The following RFX3 variants were observed in gnomAD, a reference collection of about 807,000 sequenced individuals.
RFX3 encodes regulatory factor X3, also known as transcription factor RFX3.
RFX3 carries 14 observed loss-of-function variants against 98.6 expected under a neutral mutation model. The ratio of observed to expected loss-of-function variants is 0.14; its 90% CI spans 0.09 to 0.22. The LOEUF (loss-of-function observed/expected upper bound fraction) is 0.22. Among genes scored for constraint, RFX3 ranks in the 10% least tolerant of loss-of-function variants. The probability of loss-of-function intolerance (pLI) is 1.00; values close to 1 mark genes in which losing one functional copy is unlikely to be tolerated. For missense variants in RFX3, 639 were observed against 926.9 expected, an observed-to-expected ratio of 0.69 and a Z score of 4.03; for synonymous variants, 383 against 328.4, an observed-to-expected ratio of 1.17 and a Z score of -1.80.
chr9:3,257,141 T>C lies in RFX3; in HGVS notation c.1664A>G (p.Asp555Gly), dbSNP rs768630320. 1.2e-6 allele frequency: 2 copies of C among 1,614,014 alleles called. No individual in the cohort carries two copies. Among genetic ancestry groups the C allele is most frequent in the Non-Finnish European group, 1.7e-6 (2 of 1,179,990 alleles). The change falls in exon 14 of 17, where the codon GAC becomes GGC. Residue 555 changes from aspartate (D) to glycine (G), a missense_variant. Physicochemically the swap from Asp to Gly is moderately conservative, Grantham distance 94 (BLOSUM62 -1). This residue lies in a region of RFX3 where 138 missense variants were observed against 308.9 expected (regional missense o/e 0.45). Coordinates refer to ENST00000617270, the MANE Select transcript of RFX3 (RefSeq NM_001282116.2). ...DDNMVQRLET[D>G]FKMTLQQQST... ...CTGCTGCTGAAGAGTCATCTTGAAGTCTGTTTCTAGTCTCTGAACCATGTT... is the reference window on the plus strand; with the variant it reads ...CTGCTGCTGAAGAGTCATCTTGAAGCCTGTTTCTAGTCTCTGAACCATGTT...
chr9:3,225,359 T>A, intron 16 of RFX3, 79 bp from the exon 17 acceptor site: 1 of 1,565,342 alleles, frequency 6.4e-7, no homozygotes, highest in Non-Finnish European at 8.6e-7. Flanking sequence ...TAGAAACACT[T>A]TAATATAGGA....
At chr9:3,238,195 G>T (rs951400728) in intron 15 of RFX3, among the ~76,000 whole-genome samples, 2 of 152,302 alleles carry the variant, frequency 1.3e-5, no homozygotes, top group South Asian at 2.1e-4. Context: ...AAGGTCATAA[G>T]ATGGTGATTT....
At chr9:3,317,595 G>T (rs547180978) in intron 4 of RFX3, among the ~76,000 whole-genome samples, 7 of 152,164 alleles carry the variant, frequency 4.6e-5, no homozygotes, top group African/African-American at 1.7e-4. Flanking sequence ...CTACAGAATG[G>T]GAGAAAATTT....
chr9:3,355,063 A>G (rs1835589390), intron 2 of RFX3, among the ~76,000 whole-genome samples: 1 of 151,894 alleles, frequency 6.6e-6, no homozygotes, highest in Admixed American at 6.6e-5. Flanking sequence ...ATAAATACAT[A>G]TTTTTTAAAT....
chr9:3,270,816 G>C, intron 10 of RFX3, 187 bp downstream of exon 10: 1 of 753,338 alleles, frequency 1.3e-6, no homozygotes, highest in Non-Finnish European at 2.1e-6. Context: ...AGTACAAATG[G>C]GAGCTATATA....
chr9:3,463,252 A>G (rs1847874028), intron 1 of RFX3, among the ~76,000 whole-genome samples: 1 of 152,158 alleles, frequency 6.6e-6, no homozygotes, highest in Non-Finnish European at 1.5e-5. Flanking sequence ...TTCAATGAAA[A>G]CGCTAAGGTA....
chr9:3,245,594 TAAA>T (rs1015103663), intron 15 of RFX3, among the ~76,000 whole-genome samples: 7 of 151,954 alleles, frequency 4.6e-5, no homozygotes, highest in African/African-American at 1.7e-4. Context: ...TAGAAGGACA[TAAA>T]AAAAGAATGC....
chr9:3,489,743 G>A (rs986426426), intron 1 of RFX3, among the ~76,000 whole-genome samples: 2 of 152,104 alleles, frequency 1.3e-5, no homozygotes, highest in African/African-American at 4.8e-5. Context: ...GGTCACATAT[G>A]GGTATCAAAG....
chr9:3,263,565 T>A (rs969115229), intron 12 of RFX3, among the ~76,000 whole-genome samples: 6 of 152,202 alleles, frequency 3.9e-5, no homozygotes, highest in Non-Finnish European at 8.8e-5. Flanking sequence ...TGTGAGAGCA[T>A]TACCATTCAG....
chr9:3,432,144 C>A lies in RFX3; in HGVS notation c.-8-36548G>T, dbSNP rs112220331. Reference sequence around the variant, plus strand: ...GCTTTCTGGATTGGTTCCACTGATTCTTTGTTCCTGAAGTCAAGAAGTACC... The same window carrying A: ...GCTTTCTGGATTGGTTCCACTGATTATTTGTTCCTGAAGTCAAGAAGTACC... On this transcript the variant is annotated intron_variant, in intron 1 of 16. Transcript: ENST00000617270. Among the ~76,000 whole-genome samples the A allele has an allele frequency of 2.3e-3, 351 of 152,264 alleles. 3 individuals carry two copies. The highest frequency in any genetic ancestry group is 8.3e-3 in the African/African-American group (343 of 41,562).
chr9:3,451,938 A>G (rs140386943), intron 1 of RFX3, among the ~76,000 whole-genome samples: 4 of 152,026 alleles, frequency 2.6e-5, no homozygotes, highest in Non-Finnish European at 5.9e-5. Context: ...TACAATTTCA[A>G]TTGTACAATT....
At chr9:3,290,921 CCTT>C (rs1827250475) in intron 6 of RFX3, among the ~76,000 whole-genome samples, 2 of 152,186 alleles carry the variant, frequency 1.3e-5, no homozygotes, top group Non-Finnish European at 2.9e-5. Flanking sequence ...TCCCCTCACT[CCTT>C]CTCCTCTGAA....
At chr9:3,426,124 G>A (rs974760137) in intron 1 of RFX3, among the ~76,000 whole-genome samples, 54 of 151,998 alleles carry the variant, frequency 3.6e-4, no homozygotes, top group African/African-American at 1.2e-3. Flanking sequence ...TATGAACAAC[G>A]TTTCTGTTTT....
intron 5 of RFX3, among the ~76,000 whole-genome samples, chr9:3,294,965 T>C (rs938050429): frequency 2.0e-5 from 3 of 152,218 alleles, no homozygotes; most frequent in African/African-American, 7.2e-5. Flanking sequence ...GTTTTTACAA[T>C]GACATAAAAG....
chr9:3,361,003 C>T (rs1390006720), intron 2 of RFX3, among the ~76,000 whole-genome samples: 1 of 152,180 alleles, frequency 6.6e-6, no homozygotes, highest in Non-Finnish European at 1.5e-5. Flanking sequence ...GCATTTCTTA[C>T]ACATTTGGTT....
intron 2 of RFX3, among the ~76,000 whole-genome samples, chr9:3,378,188 T>C (rs1321806485): frequency 6.6e-6 from 1 of 152,178 alleles, no homozygotes; most frequent in Non-Finnish European, 1.5e-5. Context: ...AGCCAACTTC[T>C]TATTTAGGTA....
intron 15 of RFX3, among the ~76,000 whole-genome samples, chr9:3,244,236 C>T (rs1469219689): frequency 6.6e-6 from 1 of 152,014 alleles, no homozygotes; most frequent in Non-Finnish European, 1.5e-5. Context: ...AAACTCCTGA[C>T]CTCAGGTGAT....
At chr9:3,471,836 C>G (rs1048218672) in intron 1 of RFX3, among the ~76,000 whole-genome samples, 1 of 152,228 alleles carries the variant, frequency 6.6e-6, no homozygotes, top group Non-Finnish European at 1.5e-5. Flanking sequence ...ATTCTGTCTT[C>G]ACTTCTTCAG....
chr9:3,357,664 T>C (rs1273130768), intron 2 of RFX3, among the ~76,000 whole-genome samples: 1 of 151,966 alleles, frequency 6.6e-6, no homozygotes, highest in East Asian at 1.9e-4. Flanking sequence ...AAGTAGTAAG[T>C]TCTAGTATTT....
Sources: allele counts gnomAD v4.1 joint callset (sites outside exome capture counted in the v4.1 genomes callset), GRCh38; gene constraint gnomAD v4.1.1; regional missense constraint gnomAD v4.1.1; transcripts MANE v1.5; gene names NCBI Gene and HGNC (gene_info 2026-07-23, HGNC 2026-07-21).